Variants in BCLAF1 observed in about 807,000 individuals in gnomAD.
The protein encoded by BCLAF1 is BCL2 associated transcription factor 1.
Under a neutral mutation model 99.5 loss-of-function variants are expected in BCLAF1, and 10 were observed. That is an observed-to-expected ratio of 0.10 (90% CI 0.06 to 0.17). The LOEUF is 0.17. Among genes scored for constraint, BCLAF1 ranks in the 10% least tolerant of loss-of-function variants. The pLI is 1.00. For missense variants in BCLAF1, 636 were observed against 1,105.8 expected (o/e 0.58, Z 6.02); for synonymous variants, 255 against 370.9 (o/e 0.69, Z 3.59).
chr6:136,275,453 A>G, intron 6 of BCLAF1, 79 bp downstream of exon 6: 1 of 1,351,668 alleles, frequency 7.4e-7, no homozygotes, highest in Middle Eastern at 1.9e-4. Flanking sequence ...GGGTACATGA[A>G]TTATTAAGCA....
At chr6:136,282,941 T>C (rs916523110) in intron 1 of BCLAF1, among the ~76,000 whole-genome samples, 6 of 151,810 alleles carry the variant, frequency 4.0e-5, no homozygotes, top group African/African-American at 1.4e-4. Context: ...ATTTTAGTAA[T>C]TTGAGCCTTA....
At chr6:136,271,098 A>T (rs1459548763) in intron 8 of BCLAF1, among the ~76,000 whole-genome samples, 1 of 151,834 alleles carries the variant, frequency 6.6e-6, no homozygotes, top group East Asian at 1.9e-4. Context: ...TTCTAGTAAC[A>T]AACGTGCCTA....
At chr6:136,269,400 G>A in intron 9 of BCLAF1, 37 bp downstream of exon 9, 1 of 1,585,720 alleles carries the variant, frequency 6.3e-7, no homozygotes, top group Non-Finnish European at 8.6e-7. Flanking sequence ...AGGCTAATTA[G>A]AAGCTAAAAC....
chr6:136,281,801 A>T (rs1362656692), intron 2 of BCLAF1, among the ~76,000 whole-genome samples: 1 of 152,230 alleles, frequency 6.6e-6, no homozygotes, highest in Non-Finnish European at 1.5e-5. Context: ...AGGCTTTTTC[A>T]GTCACCAGGA....
chr6:136,271,554 T>C (rs1455933398), intron 8 of BCLAF1, among the ~76,000 whole-genome samples: 1 of 151,934 alleles, frequency 6.6e-6, no homozygotes, highest in Non-Finnish European at 1.5e-5. Context: ...AGAATGCTTA[T>C]TTCTTAATCC....
chr6:136,263,043 ATAGTGTG>A (rs1781234434), intron 11 of BCLAF1, among the ~76,000 whole-genome samples: 1 of 152,192 alleles, frequency 6.6e-6, no homozygotes, highest in Non-Finnish European at 1.5e-5. Context: ...TGATGTTTCT[ATAGTGTG>A]TAATATGGAT....
chr6:136,275,766 T>A (rs540328142), intron 5 of BCLAF1, 65 bp from the exon 6 acceptor site: 1 of 1,560,308 alleles, frequency 6.4e-7, no homozygotes, highest in East Asian at 2.2e-5. Context: ...AAAAATGGTA[T>A]GTTCAGAAAG....
chr6:136,267,209 A>G, intron 10 of BCLAF1, 34 bp from the exon 11 acceptor site: 1 of 1,601,972 alleles, frequency 6.2e-7, no homozygotes, highest in South Asian at 1.1e-5. Flanking sequence ...TTAGTGATGC[A>G]ATCAAAAGGT....
intron 1 of BCLAF1, among the ~76,000 whole-genome samples, chr6:136,285,942 A>G (rs1785071765): frequency 6.6e-6 from 1 of 152,128 alleles, no homozygotes. Flanking sequence ...TACTAAAAAT[A>G]CAAAAATCAG....
At position 136,260,117 on chromosome 6, in the gene BCLAF1, CTG is replaced by C. The variant is rs1160716214; in HGVS notation, c.*991_*992del. ...TAAAATACTATTAATGAACAGTATG[CTG>C]TGTTTCTCTATTTTTACTAATAGTT... On this transcript the variant is annotated 3_prime_UTR_variant, in exon 13 of 13. Transcript: ENST00000531224. 1 of 152,016 alleles carries C rather than the reference CTG, an allele frequency of 6.6e-6. No homozygotes were observed. Among genetic ancestry groups the C allele is most frequent in the African/African-American group, 2.4e-5 (1 of 41,440 alleles). 9.4% of individuals were successfully genotyped at this position (152,016 alleles called of 1,614,324 possible). A position where few individuals can be genotyped will look rare whatever the true frequency, so the allele number is the denominator to read the frequency against.
Position 136,278,146 on chromosome 6 carries a change from A to C in BCLAF1, c.735T>G (p.Ala245=), listed in dbSNP as rs560881443. 72 of 1,599,970 alleles carry C rather than the reference A, an allele frequency of 4.5e-5. No homozygotes were observed. In the South Asian group the frequency reaches 7.6e-4, roughly 17 times the overall value. ...CAGAGTGAACTGTACTGAGCATGGG[A>C]GCATCAGAGCAAGATGAACTCTGAC... is the stretch of plus-strand genomic sequence containing the variant. The part of the protein sequence containing the change: ...PPSQSSSCSD[A]PMLSTVHSAK... Residue 245 remains alanine (A), a synonymous_variant, in exon 4 of 13, where the codon GCT becomes GCG. Transcript: ENST00000531224.
At chr6:136,286,448 T>C (rs1785141541) in intron 1 of BCLAF1, among the ~76,000 whole-genome samples, 1 of 152,218 alleles carries the variant, frequency 6.6e-6, no homozygotes, top group East Asian at 1.9e-4. Context: ...TGGTACTTCC[T>C]TACAAGTACA....
In BCLAF1 at chr6:136,279,776, T is replaced by G. The variant is rs2128485903; in HGVS notation, c.91A>C (p.Lys31Gln). The G allele has an allele frequency of 6.4e-7, 1 of 1,569,822 alleles. No homozygotes were observed. Among genetic ancestry groups the G allele is most frequent in the East Asian group, 2.3e-5 (1 of 44,060 alleles). Reference sequence around the variant, plus strand: ...ACATTAAATCACCTGTATCGCTTCTTTCTAGAATGAGATCTTGATCTTGAT... The same window carrying G: ...ACATTAAATCACCTGTATCGCTTCTGTCTAGAATGAGATCTTGATCTTGAT... ...SRSRSRSHSRKKRYSSRSRSR... is the reference protein window; with the variant it reads ...SRSRSRSHSRQKRYSSRSRSR... Residue 31 changes from lysine to glutamine, a missense_variant, in exon 3 of 13, where the codon AAG becomes CAG. By Grantham distance (53) the Lys-to-Gln change is moderately conservative. Coordinates refer to ENST00000531224, the MANE Select transcript of BCLAF1 (RefSeq NM_014739.3).
At chr6:136,268,367 G>T in intron 9 of BCLAF1, 28 bp from the exon 10 acceptor site, 1 of 1,560,974 alleles carries the variant, frequency 6.4e-7, no homozygotes, top group Non-Finnish European at 8.7e-7. Flanking sequence ...CAAAAAATGT[G>T]ATACTTTTAA....
intron 1 of BCLAF1, among the ~76,000 whole-genome samples, chr6:136,284,834 G>T (rs148690733): frequency 3.4e-5 from 5 of 149,208 alleles, no homozygotes; most frequent in Admixed American, 2.0e-4. Context: ...CACATTGGAG[G>T]GGGGGGAAAA....
At chr6:136,264,325 G>A (rs550376037) in intron 11 of BCLAF1, among the ~76,000 whole-genome samples, 2 of 152,208 alleles carry the variant, frequency 1.3e-5, no homozygotes, top group East Asian at 1.9e-4. Context: ...TCCTGCCTCA[G>A]CCTCCCGAGT....
intron 3 of BCLAF1, chr6:136,279,433 G>T: frequency 6.2e-6 from 1 of 161,936 alleles, no homozygotes; most frequent in Non-Finnish European, 1.3e-5. Context: ...AAAACAATAT[G>T]CAGAGATTGT....
intron 1 of BCLAF1, among the ~76,000 whole-genome samples, chr6:136,283,417 G>A (rs1161048711): frequency 6.6e-6 from 1 of 152,028 alleles, no homozygotes; most frequent in Admixed American, 6.6e-5. Context: ...TAAAAGAACA[G>A]TCAGCAATGA....
chr6:136,272,612 T>A (rs1339083541), intron 7 of BCLAF1, among the ~76,000 whole-genome samples: 1 of 151,946 alleles, frequency 6.6e-6, no homozygotes, highest in East Asian at 1.9e-4. Flanking sequence ...AAAACTGGCA[T>A]GATTATCCAC....
Sources: allele counts gnomAD v4.1 joint callset (sites outside exome capture counted in the v4.1 genomes callset), GRCh38; gene constraint gnomAD v4.1.1; transcripts MANE v1.5; gene names NCBI Gene and HGNC (gene_info 2026-07-23, HGNC 2026-07-21).